NRG3: variants seen among roughly 807,000 people sequenced by gnomAD.
NRG3 encodes the protein pro-neuregulin-3, membrane-bound isoform.
A neutral mutation model predicts 66.9 loss-of-function variants in NRG3; 31 were observed. The observed-to-expected ratio is 0.46, with a 90% confidence interval of 0.35 to 0.63. NRG3 has a LOEUF of 0.63. Among genes scored for constraint, NRG3 ranks in the 20% least tolerant of loss-of-function variants. The probability of loss-of-function intolerance (pLI) is 0.00; values close to 1 mark genes in which losing one functional copy is unlikely to be tolerated. For missense variants in NRG3, 910 were observed against 878.9 expected (o/e 1.04, Z -0.45); for synonymous variants, 393 against 359.4 (o/e 1.09, Z -1.06).
intron 3 of NRG3, among the ~76,000 whole-genome samples, chr10:82,763,698 A>G (rs951774659): frequency 1.3e-5 from 2 of 152,126 alleles, no homozygotes; most frequent in African/African-American, 4.8e-5. Context: ...TGAAATCTTC[A>G]TACAAAAATC....
At chr10:82,443,152 G>C (rs58444710) in intron 2 of NRG3, among the ~76,000 whole-genome samples, 2,834 of 152,162 alleles carry the variant, frequency 0.019, 95 homozygotes, top group African/African-American at 0.065. Context: ...GAAAGAAGGG[G>C]AGAGGGAGAG....
chr10:82,786,989 T>C (rs1469695576), intron 3 of NRG3, among the ~76,000 whole-genome samples: 1 of 152,142 alleles, frequency 6.6e-6, no homozygotes, highest in African/African-American at 2.4e-5. Flanking sequence ...CTTTATAGCC[T>C]CCAGAACTGT....
intron 2 of NRG3, among the ~76,000 whole-genome samples, chr10:82,634,754 G>C (rs1443983870): frequency 6.6e-6 from 1 of 152,176 alleles, no homozygotes; most frequent in Non-Finnish European, 1.5e-5. Flanking sequence ...TTTGACACAT[G>C]TTATTCACCA....
chr10:82,567,131 T>G (rs1336205569), intron 2 of NRG3, among the ~76,000 whole-genome samples: 1 of 151,996 alleles, frequency 6.6e-6, no homozygotes, highest in Non-Finnish European at 1.5e-5. Context: ...TTCTTAATTC[T>G]TCATATTGGA....
At chr10:82,577,059 G>C (rs1346631533) in intron 2 of NRG3, among the ~76,000 whole-genome samples, 1 of 151,276 alleles carries the variant, frequency 6.6e-6, no homozygotes, top group African/African-American at 2.4e-5. Context: ...TACTTTTTTT[G>C]GTTGCAGTTA....
chr10:82,827,442 G>A (rs951565987), intron 3 of NRG3, among the ~76,000 whole-genome samples: 2 of 152,116 alleles, frequency 1.3e-5, no homozygotes, highest in African/African-American at 4.8e-5. Flanking sequence ...GTACTTCCTG[G>A]AGCAGAATGG....
At chr10:82,257,495 C>T (rs2077794690) in intron 1 of NRG3, among the ~76,000 whole-genome samples, 4 of 152,222 alleles carry the variant, frequency 2.6e-5, no homozygotes, top group South Asian at 4.1e-4. Flanking sequence ...CTAGGCCGAG[C>T]GTGGTGGCTC....
intron 2 of NRG3, among the ~76,000 whole-genome samples, chr10:82,416,470 G>T (rs571814500): frequency 1.3e-5 from 2 of 152,280 alleles, no homozygotes; most frequent in Non-Finnish European, 2.9e-5. Context: ...TAAGAAGGTT[G>T]TCCATAGAAT....
intron 4 of NRG3, among the ~76,000 whole-genome samples, chr10:82,868,773 A>G (rs1841008077): frequency 6.6e-6 from 1 of 152,006 alleles, no homozygotes; most frequent in South Asian, 2.1e-4. Flanking sequence ...GCTCATTGCA[A>G]CCTCCGCCTC....
intron 2 of NRG3, among the ~76,000 whole-genome samples, chr10:82,632,103 C>CA (rs1388980982): frequency 6.6e-6 from 1 of 152,048 alleles, no homozygotes; most frequent in Non-Finnish European, 1.5e-5. Context: ...AACCCTGTCT[C>CA]AAAAATTAAA....
chr10:82,113,461 A>C (rs952848512), intron 1 of NRG3, among the ~76,000 whole-genome samples: 79 of 152,174 alleles, frequency 5.2e-4, no homozygotes, highest in Admixed American at 1.7e-3. Flanking sequence ...ATGTGATTAG[A>C]TGCAACCGTG....
intron 1 of NRG3, among the ~76,000 whole-genome samples, chr10:82,201,515 C>T (rs2074821267): frequency 6.6e-6 from 1 of 152,146 alleles, no homozygotes; most frequent in South Asian, 2.1e-4. Context: ...AAATCTACTA[C>T]AGGAGACCAG....
At chr10:82,758,587 G>C (rs1305554327) in intron 3 of NRG3, among the ~76,000 whole-genome samples, 1 of 151,914 alleles carries the variant, frequency 6.6e-6, no homozygotes, top group African/African-American at 2.4e-5. Context: ...AAAATTTTCA[G>C]GACTTCAGTA....
At chr10:82,044,824 T>C (rs151229972) in intron 1 of NRG3, among the ~76,000 whole-genome samples, 2,090 of 152,236 alleles carry the variant, frequency 0.014, 45 homozygotes, top group African/African-American at 0.048. Context: ...GTGTTTGGTT[T>C]TTTGTCCTTG....
At chr10:82,243,568 T>C (rs2077098631) in intron 1 of NRG3, among the ~76,000 whole-genome samples, 1 of 152,210 alleles carries the variant, frequency 6.6e-6, no homozygotes, top group African/African-American at 2.4e-5. Flanking sequence ...AAAATGACTT[T>C]ACACTTTCCA....
rs923905252 is a variant in NRG3, at chr10:82,368,669, T to C, written c.953+9801T>C. On this transcript the variant is annotated intron_variant, in intron 2 of 8. Coordinates refer to ENST00000372141, the MANE Select transcript of NRG3 (RefSeq NM_001010848.4). ...TGGGACAGTCTGGAAGCTTCTCCCA[T>C]GCAGACAGAGCAGAGAGAGAATTAT... Among the ~76,000 whole-genome samples the C allele has an allele frequency of 1.4e-4, 20 of 138,344 alleles. 1 individual carries two copies. The highest frequency in any genetic ancestry group is 2.7e-4 in the Non-Finnish European group (18 of 67,544). The allele number at this position is 138,344 out of a possible 152,430, so 90.8% of individuals were successfully genotyped here.
rs925732561 is a variant in NRG3 at position 82,364,008 on chromosome 10, A to G, written c.953+5140A>G. Among the ~76,000 whole-genome samples, 6 of 152,306 alleles carry G rather than the reference A, an allele frequency of 3.9e-5. No individual in the cohort carries two copies. In the East Asian group the frequency reaches 5.8e-4, roughly 15 times the overall value. On this transcript the variant is annotated intron_variant, in intron 2 of 8. Transcript: ENST00000372141. The stretch of plus-strand genomic sequence containing the variant: ...GAATCCTAATTCTGAAAAAAAAACT[A>G]AAAAGGTTGATAGTTTACAACTATT...
chr10:82,152,710 G>A (rs1165005971), intron 1 of NRG3, among the ~76,000 whole-genome samples: 1 of 5,334 alleles, frequency 1.9e-4, no homozygotes, highest in African/African-American at 3.6e-3. Flanking sequence ...TGCCATATAT[G>A]GAAAATGCCA....
intron 1 of NRG3, among the ~76,000 whole-genome samples, chr10:82,177,032 A>G (rs2073091855): frequency 6.6e-6 from 1 of 151,748 alleles, no homozygotes; most frequent in South Asian, 2.1e-4. Context: ...ATCGTAGCCT[A>G]CCCTTTCCTT....
Sources: allele counts gnomAD v4.1 joint callset (sites outside exome capture counted in the v4.1 genomes callset), GRCh38; gene constraint gnomAD v4.1.1; transcripts MANE v1.5; gene names NCBI Gene and HGNC (gene_info 2026-07-23, HGNC 2026-07-21).